KNDC1: variants seen among roughly 807,000 people sequenced by gnomAD.
KNDC1 encodes the protein kinase non-catalytic C-lobe domain-containing protein 1.
In KNDC1, 106 loss-of-function variants were observed where a neutral mutation model predicts 172.8. That is an observed-to-expected ratio of 0.61 (90% CI 0.52 to 0.72). The LOEUF (loss-of-function observed/expected upper bound fraction) is 0.72. Among genes scored for constraint, KNDC1 ranks in the 30% least tolerant of loss-of-function variants. The pLI, the probability that KNDC1 is intolerant of heterozygous loss-of-function variation, is 0.00. For synonymous variants in KNDC1, 1,083 were observed against 1,062.2 expected, an observed-to-expected ratio of 1.02 and a Z score of -0.38; for missense variants, 2,325 against 2,394.5, an observed-to-expected ratio of 0.97 and a Z score of 0.61.
intron 9 of KNDC1, 65 bp downstream of exon 9, chr10:133,189,878 A>G: frequency 8.3e-7 from 1 of 1,203,022 alleles, no homozygotes. Context: ...CACGTCCCCC[A>G]TCTGTCCAGC....
In KNDC1 at chr10:133,200,422, G is replaced by A. The variant is rs1209499167; in HGVS notation, c.2951G>A (p.Arg984His). 5.6e-6 allele frequency: 9 copies of A among 1,596,976 alleles called. No individual in the cohort carries two copies. The African/African-American group carries it at 6.8e-5, about 12-fold the overall frequency. Residue 984 changes from arginine (R) to histidine (H), a missense_variant, in exon 16 of 30, where the codon CGC becomes CAC. Arg to His is a conservative substitution (Grantham distance 29, BLOSUM62 0). Transcript: ENST00000304613. ...GSQLEGSQSP[R>H]SPSSKRPSLH... ...CAGCTCGAGGGCAGCCAAAGCCCCC[G>A]CTCCCCGTCCAGCAAGAGGCCGTCG...
intron 3 of KNDC1, among the ~76,000 whole-genome samples, chr10:133,180,812 G>A (rs1196399205): frequency 6.6e-6 from 1 of 152,214 alleles, no homozygotes; most frequent in Admixed American, 6.5e-5. Context: ...GGATTTAGAG[G>A]AAAAATTAAA....
At chr10:133,195,945 T>A in intron 10 of KNDC1, 124 bp downstream of exon 10, 1 of 975,948 alleles carries the variant, frequency 1.0e-6, no homozygotes. Context: ...CCACCAGGTC[T>A]GTTTCTAGGT....
chr10:133,165,836 A>G (rs952288805), intron 1 of KNDC1, among the ~76,000 whole-genome samples: 1 of 152,118 alleles, frequency 6.6e-6, no homozygotes, highest in Non-Finnish European at 1.5e-5. Context: ...CCCAAATCAA[A>G]CACCTTTGAT....
chr10:133,188,449 C>T (rs899566612), intron 6 of KNDC1, 90 bp from the exon 7 acceptor site: 18 of 812,706 alleles, frequency 2.2e-5, no homozygotes, highest in African/African-American at 1.2e-4. Flanking sequence ...GAGTGGGCCT[C>T]ACCCTGGCCT....
At chr10:133,183,800 C>A in intron 4 of KNDC1, 72 bp from the exon 5 acceptor site, 2 of 1,217,704 alleles carry the variant, frequency 1.6e-6, no homozygotes, top group Non-Finnish European at 2.3e-6. Flanking sequence ...AGGATCCGGC[C>A]GTGTCGGGTG....
intron 17 of KNDC1, among the ~76,000 whole-genome samples, chr10:133,204,014 CAGG>C (rs1854453626): frequency 6.6e-6 from 1 of 152,202 alleles, no homozygotes; most frequent in Non-Finnish European, 1.5e-5. Flanking sequence ...AGACCTTTCC[CAGG>C]AGATTTTCTC....
Position 133,197,289 on chromosome 10 carries a change from G to A in KNDC1, c.1812+154G>A, listed in dbSNP as rs1854220551. 2.0e-5 allele frequency among the ~76,000 whole-genome samples: 3 copies of A among 151,926 alleles called. No individual in the cohort carries two copies. In the South Asian group the frequency reaches 6.2e-4, roughly 32 times the overall value. ...GGTGGGTGCATCTGGGGGTGCAGGG[G>A]GACACTCGAGTCCCATCTAAAGGCC... On this transcript the variant is annotated intron_variant, in intron 11 of 29. Coordinates refer to ENST00000304613, the MANE Select transcript of KNDC1 (RefSeq NM_152643.8).
At chr10:133,210,255 G>T (rs773692168) in intron 20 of KNDC1, among the ~76,000 whole-genome samples, 1 of 151,388 alleles carries the variant, frequency 6.6e-6, no homozygotes, top group Admixed American at 6.6e-5. Context: ...CATGGTAGGC[G>T]CCTGTAGTCC....
chr10:133,177,941 G>T (rs188596781), intron 3 of KNDC1, among the ~76,000 whole-genome samples: 2 of 149,714 alleles, frequency 1.3e-5, no homozygotes, highest in South Asian at 2.1e-4. Flanking sequence ...GTTATGTCAC[G>T]GACACGTGTA....
chr10:133,178,084 T>C (rs970734974), intron 3 of KNDC1, among the ~76,000 whole-genome samples: 5 of 149,456 alleles, frequency 3.3e-5, no homozygotes, highest in Admixed American at 2.7e-4. Context: ...GTGTGCAGTT[T>C]GGTGTGTGTG....
chr10:133,189,643 T>C lies in KNDC1; in HGVS notation c.1487T>C (p.Val496Ala). ...DSVLVAEDGA[V>A]LFQPPPANGS... ...GTGCTGGTTGCTGAGGACGGGGCTG[T>C]GCTCTTCCAGCCACCCCCTGCCAAC... The change falls in exon 8 of 30, where the codon GTG becomes GCG. Residue 496 changes from valine to alanine, a missense_variant. Val to Ala is a moderately conservative substitution (Grantham distance 64). Transcript: ENST00000304613. The C allele has an allele frequency of 6.2e-7, 1 of 1,613,780 alleles. No individual in the cohort carries two copies. The highest frequency in any genetic ancestry group is 8.5e-7 in the Non-Finnish European group (1 of 1,179,974).
chr10:133,225,169 A>G lies in KNDC1; in HGVS notation c.*279A>G, dbSNP rs1845695655. On this transcript the variant is annotated 3_prime_UTR_variant, in exon 30 of 30. Transcript: ENST00000304613. ...AAATTTAAAAATGAAAATGAAAGAC[A>G]GCTTCCCAGGAGTTTTGTGCCTGTC... is the stretch of plus-strand genomic sequence containing the variant. 4 of 413,374 alleles carry G rather than the reference A, an allele frequency of 9.7e-6. No homozygotes were observed. The highest frequency in any genetic ancestry group is 9.2e-5 in the South Asian group (4 of 43,554). 25.6% of individuals were successfully genotyped at this position (413,374 alleles called of 1,614,324 possible).
rs937897211 is a variant in KNDC1, at chr10:133,201,653, C to G, written c.3142C>G (p.Pro1048Ala). 7 of 1,612,828 alleles carry G rather than the reference C, an allele frequency of 4.3e-6. No homozygotes were observed. The highest frequency in any genetic ancestry group is 1.3e-5 in the African/African-American group (1 of 74,930). ...CGTAAAAGCCGAGAGAGCGCAGCAG[C>G]CTGAGGCTGGCGAGGACAGACGGCC... ...RSVKAERAQQ[P>A]EAGEDRRPAG... The change falls in exon 17 of 30, where the codon CCT becomes GCT. Residue 1048 changes from proline (P) to alanine (A), a missense_variant. Coordinates refer to ENST00000304613, the MANE Select transcript of KNDC1 (RefSeq NM_152643.8).
intron 21 of KNDC1, 73 bp downstream of exon 21, chr10:133,210,797 T>C (rs1845348969): frequency 7.9e-7 from 1 of 1,258,702 alleles, no homozygotes; most frequent in Non-Finnish European, 1.2e-6. Flanking sequence ...GGGCCTGGTT[T>C]AGCCACCATG....
chr10:133,189,254 C>T (rs868543444), intron 7 of KNDC1, among the ~76,000 whole-genome samples: 25 of 152,160 alleles, frequency 1.6e-4, no homozygotes, highest in Non-Finnish European at 1.5e-4. Context: ...ACCGTGAGCC[C>T]GTGGCTGCCC....
chr10:133,182,470 G>A (rs999818286), intron 3 of KNDC1, among the ~76,000 whole-genome samples: 2 of 145,878 alleles, frequency 1.4e-5, no homozygotes, highest in Non-Finnish European at 2.9e-5. Context: ...CACATGAGCT[G>A]TGTGACCTGC....
Position 133,206,419 on chromosome 10 carries a change from C to T in KNDC1, c.3388-266C>T, listed in dbSNP as rs12245373. Among the ~76,000 whole-genome samples, 1,283 of 152,170 alleles carry T rather than the reference C, an allele frequency of 8.4e-3. 14 individuals carry two copies. Among genetic ancestry groups the T allele is most frequent in the African/African-American group, 0.029 (1,207 of 41,556 alleles). On this transcript the variant is annotated intron_variant, in intron 17 of 29. Coordinates refer to ENST00000304613, the MANE Select transcript of KNDC1 (RefSeq NM_152643.8). The stretch of plus-strand genomic sequence containing the variant: ...TTCCCCTGAGCATCCCCCACAAGGG[C>T]CTGACTGTGGGTGAGGGGCGCAGGG...
chr10:133,184,205 C>T (rs879361711), intron 5 of KNDC1, among the ~76,000 whole-genome samples: 12 of 145,020 alleles, frequency 8.3e-5, no homozygotes, highest in South Asian at 2.3e-4. Context: ...CATGCACACC[C>T]ATGCTGCACA....
Sources: gnomAD v4.1 joint callset for allele counts (sites outside exome capture counted in the v4.1 genomes callset) on GRCh38, gnomAD v4.1.1 for gene constraint, MANE v1.5 for transcripts, NCBI Gene and HGNC (gene_info 2026-07-23, HGNC 2026-07-21) for gene names.